Variants in ACAT2 observed in about 807,000 individuals in gnomAD.
The protein encoded by ACAT2 is acetyl-CoA acetyltransferase, cytosolic.
ACAT2 carries 26 observed loss-of-function variants against 37.1 expected under a neutral mutation model. The observed-to-expected ratio is 0.70, with a 90% CI of 0.51 to 0.97. The LOEUF (loss-of-function observed/expected upper bound fraction) is 0.97. Among genes scored for constraint, ACAT2 ranks in the 50% least tolerant of loss-of-function variants. ACAT2 has a pLI of 0.00. For missense variants in ACAT2, 468 were observed against 489.0 expected, an observed-to-expected ratio of 0.96 and a Z score of 0.40; for synonymous variants, 156 against 163.6, an observed-to-expected ratio of 0.95 and a Z score of 0.35.
chr6:159,766,104 G>A (rs1583125196), intron 2 of ACAT2, among the ~76,000 whole-genome samples: 2 of 152,230 alleles, frequency 1.3e-5, no homozygotes, highest in East Asian at 1.9e-4. Flanking sequence ...TCCCATAGTT[G>A]AATTATGAAA....
chr6:159,778,559 A>G (rs1390228071), intron 8 of ACAT2, 100 bp from the exon 9 acceptor site: 2 of 1,325,650 alleles, frequency 1.5e-6, no homozygotes, highest in Non-Finnish European at 2.1e-6. Flanking sequence ...TGAGTTTGAA[A>G]GGGTAGCATG....
At chr6:159,765,685 C>T (rs200975439) in intron 2 of ACAT2, among the ~76,000 whole-genome samples, 1 of 149,194 alleles carries the variant, frequency 6.7e-6, no homozygotes, top group African/African-American at 2.5e-5. Context: ...GCCCCCCTCC[C>T]CCGGCCTCCC....
At chr6:159,771,404 A>G (rs1296978763) in intron 4 of ACAT2, among the ~76,000 whole-genome samples, 1 of 152,140 alleles carries the variant, frequency 6.6e-6, no homozygotes, top group African/African-American at 2.4e-5. Flanking sequence ...ATAAATGAAC[A>G]GAGCCTTGGT....
chr6:159,771,500 A>G (rs558324918), intron 4 of ACAT2, among the ~76,000 whole-genome samples: 6 of 152,336 alleles, frequency 3.9e-5, no homozygotes, highest in African/African-American at 1.4e-4. Flanking sequence ...GCAGAAAAAA[A>G]CTGAAGAAAA....
chr6:159,765,418 G>C (rs1780238817), intron 2 of ACAT2, among the ~76,000 whole-genome samples: 1 of 148,080 alleles, frequency 6.8e-6, no homozygotes, highest in Admixed American at 6.7e-5. Flanking sequence ...GCCCAGCCCT[G>C]TACCTCATTT....
chr6:159,763,098 G>T (rs1780181428), intron 2 of ACAT2, 45 bp downstream of exon 2: 1 of 1,582,054 alleles, frequency 6.3e-7, no homozygotes, highest in Non-Finnish European at 8.6e-7. Flanking sequence ...ATTAGAAACA[G>T]CCCATAAACA....
intron 4 of ACAT2, 112 bp downstream of exon 4, chr6:159,768,740 T>A: frequency 1.7e-6 from 1 of 593,940 alleles, no homozygotes; most frequent in South Asian, 2.5e-5. Context: ...TCTTAAGGAT[T>A]TTTATATCTC....
At chr6:159,770,926 G>A (rs370737732) in intron 4 of ACAT2, among the ~76,000 whole-genome samples, 1 of 152,298 alleles carries the variant, frequency 6.6e-6, no homozygotes, top group African/African-American at 2.4e-5. Flanking sequence ...TGAGCTGGAT[G>A]TGGTGGCCCA....
At chr6:159,776,719 T>A (rs915396110) in intron 6 of ACAT2, among the ~76,000 whole-genome samples, 2 of 152,214 alleles carry the variant, frequency 1.3e-5, no homozygotes, top group African/African-American at 2.4e-5. Context: ...AAACTCCCAA[T>A]ACCTCCTTGT....
intron 2 of ACAT2, 31 bp downstream of exon 2, chr6:159,763,084 G>T (rs758893393): frequency 1.9e-6 from 3 of 1,594,208 alleles, no homozygotes; most frequent in Non-Finnish European, 2.6e-6. Flanking sequence ...GAGAAGTCAG[G>T]CTTATTAGAA....
At chr6:159,762,300 C>T (rs1208345850) in intron 1 of ACAT2, 158 bp downstream of exon 1, 11 of 1,210,410 alleles carry the variant, frequency 9.1e-6, no homozygotes, top group Admixed American at 2.9e-5. Context: ...GCGGCTCCCG[C>T]GTTCCCTGAC....
At chr6:159,764,533 T>G (rs1780223386) in intron 2 of ACAT2, among the ~76,000 whole-genome samples, 1 of 152,074 alleles carries the variant, frequency 6.6e-6, no homozygotes, top group Non-Finnish European at 1.5e-5. Flanking sequence ...AACCTCAAAC[T>G]CCTGGGCTCC....
In ACAT2 at chr6:159,763,030, T is replaced by A. The variant is rs1780180022; in HGVS notation, c.167T>A (p.Ile56Asn). The A allele has an allele frequency of 1.2e-6, 2 of 1,612,896 alleles. No individual in the cohort carries two copies. Among genetic ancestry groups the A allele is most frequent in the South Asian group, 2.2e-5 (2 of 90,954 alleles). The change falls in exon 2 of 9, where the codon ATC becomes AAC. Residue 56 changes from isoleucine to asparagine, a missense_variant. By Grantham distance (149) the Ile-to-Asn change is moderately radical. Coordinates refer to ENST00000367048, the MANE Select transcript of ACAT2 (RefSeq NM_005891.3). ...GCTCCGGAAGATGTGTCTGAGGTCA[T>A]CTTTGGACATGTCTTGGCAGCAGGT... is the stretch of plus-strand genomic sequence containing the variant. ...TVAPEDVSEV[I>N]FGHVLAAGCG... is the part of the protein sequence containing the mutation.
intron 4 of ACAT2, among the ~76,000 whole-genome samples, chr6:159,768,890 A>G (rs553401944): frequency 6.6e-6 from 1 of 152,322 alleles, no homozygotes; most frequent in African/African-American, 2.4e-5. Context: ...AGGGCCCACA[A>G]ATAGTGCTTC....
chr6:159,769,540 A>T (rs551112589), intron 4 of ACAT2, among the ~76,000 whole-genome samples: 1 of 152,384 alleles, frequency 6.6e-6, no homozygotes, highest in Non-Finnish European at 1.5e-5. Context: ...TCAGGTCATG[A>T]TGGAGTAATT....
Position 159,762,147 on chromosome 6 carries a change from G to A in ACAT2, c.55+5G>A. 2 of 1,610,202 alleles carry A rather than the reference G, an allele frequency of 1.2e-6. No homozygotes were observed. Among genetic ancestry groups the A allele is most frequent in the South Asian group, 2.2e-5 (2 of 90,588 alleles). ...CGGCGGCGCGGACCATCATAGGTGA[G>A]TGGCCGGCGGGAGCCGCGCAGAGTC... On this transcript the variant is annotated splice_donor_5th_base_variant and intron_variant, in intron 1 of 8. Transcript: ENST00000367048.
intron 1 of ACAT2, chr6:159,762,551 A>T (rs1019625692): frequency 4.8e-5 from 63 of 1,321,188 alleles, no homozygotes; most frequent in Non-Finnish European, 5.7e-5. Context: ...GGGCTGTCAC[A>T]CAATGGCTAG....
intron 2 of ACAT2, 75 bp downstream of exon 2, chr6:159,763,128 T>C (rs1780183574): frequency 7.1e-7 from 1 of 1,403,898 alleles, no homozygotes; most frequent in African/African-American, 1.4e-5. Context: ...ACACACACTC[T>C]CACACACTCA....
intron 2 of ACAT2, 91 bp from the exon 3 acceptor site, chr6:159,766,914 G>T (rs919480817): frequency 1.3e-6 from 2 of 1,516,566 alleles, no homozygotes; most frequent in African/African-American, 1.4e-5. Context: ...GAAGTGGCAG[G>T]TAACCCAACT....
Sources: gnomAD v4.1 joint callset for allele counts (sites outside exome capture counted in the v4.1 genomes callset) on GRCh38, gnomAD v4.1.1 for gene constraint, MANE v1.5 for transcripts, NCBI Gene and HGNC (gene_info 2026-07-23, HGNC 2026-07-21) for gene names.